GPR37L1: variants seen among roughly 807,000 people sequenced by gnomAD.
GPR37L1 encodes G protein-coupled receptor 37 like 1.
GPR37L1 carries 18 observed loss-of-function variants against 18.0 expected under a neutral mutation model. The ratio of observed to expected loss-of-function variants is 1.00; its 90% CI spans 0.69 to 1.49. The LOEUF (loss-of-function observed/expected upper bound fraction) is 1.49. Among genes scored for constraint, GPR37L1 ranks in the 40% most tolerant of loss-of-function variants. The pLI is 0.00. For synonymous variants in GPR37L1, 256 were observed against 273.9 expected, an observed-to-expected ratio of 0.93 and a Z score of 0.65; for missense variants, 558 against 615.1, an observed-to-expected ratio of 0.91 and a Z score of 0.98.
At chr1:202,124,268 T>C (rs896427940) in intron 1 of GPR37L1, among the ~76,000 whole-genome samples, 4 of 152,228 alleles carry the variant, frequency 2.6e-5, no homozygotes, top group Non-Finnish European at 5.9e-5. Context: ...TGGGGGGCTC[T>C]AGTCTTAGCT....
intron 1 of GPR37L1, among the ~76,000 whole-genome samples, chr1:202,124,296 G>T (rs1214348637): frequency 6.6e-6 from 1 of 152,180 alleles, no homozygotes; most frequent in Non-Finnish European, 1.5e-5. Context: ...TGACATACTG[G>T]GCGTCACTGG....
chr1:202,128,153 G>A lies in GPR37L1; in HGVS notation c.1043G>A (p.Ser348Asn), dbSNP rs751628518. Residue 348 changes from serine (S) to asparagine (N), a missense_variant, in exon 2 of 2, where the codon AGC (serine) becomes AAC (asparagine). Physicochemically the swap from Ser to Asn is conservative, Grantham distance 46. Transcript: ENST00000367282. ...GGGAGGAAGTCAGAGTGCAGGGCCAGCAAGCACGAGCAGTGTGAGAGCCAG... is the reference window on the plus strand; with the variant it reads ...GGGAGGAAGTCAGAGTGCAGGGCCAACAAGCACGAGCAGTGTGAGAGCCAG... ...PPGRKSECRA[S>N]KHEQCESQLN... 7 of 1,613,938 alleles carry A rather than the reference G, an allele frequency of 4.3e-6. No individual in the cohort carries two copies. The Admixed American group carries it at 1.2e-4, about 27-fold the overall frequency.
rs763376779 is a variant in GPR37L1, at chr1:202,128,199, C to T, written c.1089C>T (p.Gly363=). 1.2e-6 allele frequency: 2 copies of T among 1,613,890 alleles called. No individual in the cohort carries two copies. The highest frequency in any genetic ancestry group is 4.5e-5 in the East Asian group (2 of 44,878). The change falls in exon 2 of 2, where the codon GGC becomes GGT. Residue 363 remains glycine, a synonymous_variant. Coordinates refer to ENST00000367282, the MANE Select transcript of GPR37L1 (RefSeq NM_004767.5). The part of the protein sequence containing the change: ...CESQLNSTVV[G]LTVVYAFCTL... ...GCCAGCTCAACAGCACCGTGGTGGG[C>T]CTGACCGTGGTCTACGCCTTCTGCA...
intron 1 of GPR37L1, among the ~76,000 whole-genome samples, chr1:202,125,563 T>C (rs1654636965): frequency 6.6e-6 from 1 of 152,114 alleles, no homozygotes; most frequent in Non-Finnish European, 1.5e-5. Context: ...TCCTGACATA[T>C]GTAATGTCCT....
chr1:202,125,984 A>G, intron 1 of GPR37L1, among the ~76,000 whole-genome samples: 1 of 152,208 alleles, frequency 6.6e-6, no homozygotes, highest in East Asian at 1.9e-4. Context: ...GGTCTCCCAA[A>G]GTACTGGGAT....
chr1:202,132,619 G>C lies in GPR37L1; in HGVS notation c.*4063G>C, dbSNP rs1296656166. On this transcript the variant is annotated 3_prime_UTR_variant, in exon 2 of 2. Transcript: ENST00000367282. ...GGGCTGGGGTGTTCTGCAAGGGCCT[G>C]CTCCATTTTCCAGGGTGAAGGAGAG... 1 of 152,588 alleles carries C rather than the reference G, an allele frequency of 6.6e-6. No homozygotes were observed. The highest frequency in any genetic ancestry group is 2.1e-4 in the South Asian group (1 of 4,832). 9.5% of individuals were successfully genotyped at this position (152,588 alleles called of 1,614,324 possible). A position where few individuals can be genotyped will look rare whatever the true frequency, so the allele number is the denominator to read the frequency against.
At chr1:202,125,770 G>A (rs1654643780) in intron 1 of GPR37L1, among the ~76,000 whole-genome samples, 1 of 152,194 alleles carries the variant, frequency 6.6e-6, no homozygotes, top group African/African-American at 2.4e-5. Context: ...CACCCAGAGT[G>A]GAATGCCGTG....
chr1:202,128,437 T>C lies in GPR37L1; in HGVS notation c.1327T>C (p.Ser443Pro), dbSNP rs1246374793. Residue 443 changes from serine to proline, a missense_variant, in exon 2 of 2, where the codon TCG (serine) becomes CCG (proline). Coordinates refer to ENST00000367282, the MANE Select transcript of GPR37L1 (RefSeq NM_004767.5). Reference sequence around the variant, plus strand: ...CTGCTGTGAGGAGTGCGGCGGGGCTTCGGAGGCCTCTGCTGCCAATGGGTC... The same window carrying C: ...CTGCTGTGAGGAGTGCGGCGGGGCTCCGGAGGCCTCTGCTGCCAATGGGTC... Reference protein sequence around the residue: ...CCCCEECGGASEASAANGSDN... With the variant: ...CCCCEECGGAPEASAANGSDN... 104 of 1,610,958 alleles carry C rather than the reference T, an allele frequency of 6.5e-5. No homozygotes were observed. In the Admixed American group the frequency reaches 1.7e-3, roughly 27 times the overall value.
At chr1:202,127,340 G>C (rs796230218) in intron 1 of GPR37L1, among the ~76,000 whole-genome samples, 1 of 146,922 alleles carries the variant, frequency 6.8e-6, no homozygotes, top group Non-Finnish European at 1.5e-5. Flanking sequence ...GTTTCCACAG[G>C]GTTTTGCTCT....
intron 1 of GPR37L1, among the ~76,000 whole-genome samples, chr1:202,124,750 G>A (rs1654611051): frequency 6.6e-6 from 1 of 152,170 alleles, no homozygotes; most frequent in South Asian, 2.1e-4. Context: ...ACCTCACCAT[G>A]TAACAATGAT....
At chr1:202,124,635 C>G (rs1288285911) in intron 1 of GPR37L1, among the ~76,000 whole-genome samples, 1 of 152,210 alleles carries the variant, frequency 6.6e-6, no homozygotes. Context: ...TGTGAAGCTG[C>G]TGTTCCTTCG....
chr1:202,126,355 C>T (rs1048710947), intron 1 of GPR37L1, among the ~76,000 whole-genome samples: 1 of 151,670 alleles, frequency 6.6e-6, no homozygotes, highest in Admixed American at 6.6e-5. Context: ...TTGCAGTGAG[C>T]TGTGATTGCG....
chr1:202,129,655 G>C lies in GPR37L1; in HGVS notation c.*1099G>C, dbSNP rs1038303647. ...AGAACAGCCTTGTGGCCGATGTTCA[G>C]AACAGCCTTGTGGCCCTGGCGACTC... On this transcript the variant is annotated 3_prime_UTR_variant, in exon 2 of 2. Transcript: ENST00000367282. 6 of 152,232 alleles carry C rather than the reference G, an allele frequency of 3.9e-5. No homozygotes were observed. The highest frequency in any genetic ancestry group is 1.2e-4 in the African/African-American group (5 of 41,426). The allele number at this position is 152,232 out of a possible 1,614,324, so 9.4% of individuals were successfully genotyped here.
intron 1 of GPR37L1, among the ~76,000 whole-genome samples, chr1:202,127,422 C>T (rs534192582): frequency 6.6e-6 from 1 of 152,142 alleles, no homozygotes; most frequent in East Asian, 1.9e-4. Flanking sequence ...TCAAGCCATC[C>T]TCCTACCTAA....
At chr1:202,126,322 C>G (rs1250210483) in intron 1 of GPR37L1, among the ~76,000 whole-genome samples, 1 of 151,892 alleles carries the variant, frequency 6.6e-6, no homozygotes, top group Non-Finnish European at 1.5e-5. Context: ...GCAGGAGAAT[C>G]ACTTGAACCC....
chr1:202,123,189 C>G lies in GPR37L1; in HGVS notation c.226C>G (p.Leu76Val). Residue 76 changes from leucine (L) to valine (V), a missense_variant, in exon 1 of 2, where the codon CTG becomes GTG. Physicochemically the swap from Leu to Val is conservative, Grantham distance 32. Coordinates refer to ENST00000367282, the MANE Select transcript of GPR37L1 (RefSeq NM_004767.5). ...EYPRPIHPAG[L>V]QPTKPLVATS... ...CCCCCGGCCCATTCACCCTGCTGGC[C>G]TGCAGCCAACCAAGCCCTTGGTGGC... 6.2e-7 allele frequency: 1 copy of G among 1,613,618 alleles called. No individual in the cohort carries two copies. Among genetic ancestry groups the G allele is most frequent in the Non-Finnish European group, 8.5e-7 (1 of 1,179,814 alleles).
rs1417629822 is a variant in GPR37L1, at chr1:202,123,498, G to A, written c.535G>A (p.Val179Ile). 1.2e-6 allele frequency: 2 copies of A among 1,613,966 alleles called. No individual in the cohort carries two copies. The highest frequency in any genetic ancestry group is 2.2e-5 in the South Asian group (2 of 91,078). Residue 179 changes from valine (V) to isoleucine (I), a missense_variant, in exon 1 of 2, where the codon GTC becomes ATC. Coordinates refer to ENST00000367282, the MANE Select transcript of GPR37L1 (RefSeq NM_004767.5). ...LASLALWDFL[V>I]LFFCLPIVIF... ...CAGCCTGGCCCTCTGGGATTTTCTG[G>A]TCCTCTTTTTCTGCCTCCCTATTGT...
At chr1:202,125,560 A>G (rs1654636903) in intron 1 of GPR37L1, among the ~76,000 whole-genome samples, 1 of 152,166 alleles carries the variant, frequency 6.6e-6, no homozygotes, top group Non-Finnish European at 1.5e-5. Flanking sequence ...GGGTCCTGAC[A>G]TATGTAATGT....
At position 202,132,405 on chromosome 1, in the gene GPR37L1, T is replaced by C. The variant is rs1045143469; in HGVS notation, c.*3849T>C. On this transcript the variant is annotated 3_prime_UTR_variant, in exon 2 of 2. Transcript: ENST00000367282. ...CCATCCACATTCTTTCCTCCAACTC[T>C]CTGGCAGTGGGGAACTGCCTCTCCA... is the stretch of plus-strand genomic sequence containing the variant. The C allele has an allele frequency of 2.6e-5, 4 of 152,290 alleles. No individual in the cohort carries two copies. Among genetic ancestry groups the C allele is most frequent in the Non-Finnish European group, 5.9e-5 (4 of 68,080 alleles). 9.4% of individuals were successfully genotyped at this position (152,290 alleles called of 1,614,324 possible).
Sources: gnomAD v4.1 joint callset for allele counts (sites outside exome capture counted in the v4.1 genomes callset) on GRCh38, gnomAD v4.1.1 for gene constraint, MANE v1.5 for transcripts, NCBI Gene and HGNC (gene_info 2026-07-23, HGNC 2026-07-21) for gene names.